The following OR2C1 variants were observed in gnomAD, a reference collection of about 807,000 sequenced individuals.
OR2C1 encodes olfactory receptor family 2 subfamily C member 1.
For synonymous variants in OR2C1, 209 were observed against 167.3 expected, an observed-to-expected ratio of 1.25 and a Z score of -1.92; for missense variants, 468 against 388.3, an observed-to-expected ratio of 1.21 and a Z score of -1.73.
At chr16:3,333,263 T>A in the OR2C1 span, among the ~76,000 whole-genome samples, 3 of 145,166 alleles carry the variant, frequency 2.1e-5, no homozygotes, top group African/African-American at 7.7e-5. Flanking sequence ...TTGAGTTGTT[T>A]GAGTGCCTTA....
the OR2C1 span, among the ~76,000 whole-genome samples, chr16:3,339,809 T>C: frequency 6.6e-6 from 1 of 152,182 alleles, no homozygotes; most frequent in Non-Finnish European, 1.5e-5. Context: ...TCTACACTTA[T>C]TATTTTCCTA....
the OR2C1 span, among the ~76,000 whole-genome samples, chr16:3,349,935 T>C: frequency 6.6e-6 from 1 of 151,880 alleles, no homozygotes; most frequent in Non-Finnish European, 1.5e-5. Context: ...GGCTTCTTCC[T>C]TTAGGCGAAA....
rs530836383 is a variant in OR2C1 at position 3,356,089 on chromosome 16, G to T, written c.149G>T (p.Arg50Leu). ...LGNSTIILLS[R>L]LEARLHTPMY... is the part of the protein sequence containing the mutation. The stretch of plus-strand genomic sequence containing the variant: ...AACTCAACCATCATCTTGCTTTCCC[G>T]CCTGGAGGCCCGGCTCCATACACCC... Residue 50 changes from arginine to leucine, a missense_variant, in exon 1 of 1, where the codon CGC (arginine) becomes CTC (leucine). Physicochemically the swap from Arg to Leu is moderately radical, Grantham distance 102. Transcript: ENST00000304936. 1 of 1,614,046 alleles carries T rather than the reference G, an allele frequency of 6.2e-7. No homozygotes were observed. Among genetic ancestry groups the T allele is most frequent in the African/African-American group, 1.3e-5 (1 of 74,976 alleles).
At chr16:3,342,233 A>C in the OR2C1 span, among the ~76,000 whole-genome samples, 1 of 152,224 alleles carries the variant, frequency 6.6e-6, no homozygotes, top group Non-Finnish European at 1.5e-5. Flanking sequence ...CCTGGGCAAC[A>C]GAGCGAGACC....
At chr16:3,346,666 G>A in the OR2C1 span, among the ~76,000 whole-genome samples, 1 of 122,122 alleles carries the variant, frequency 8.2e-6, no homozygotes, top group Non-Finnish European at 1.6e-5. Flanking sequence ...CTCTCACTCT[G>A]TCATCCAGGC....
At chr16:3,325,479 A>C in the OR2C1 span, among the ~76,000 whole-genome samples, 4,500 of 56,018 alleles carry the variant, frequency 0.08, 303 homozygotes, top group African/African-American at 0.23. Context: ...ATATATATAT[A>C]TATATATATA....
At chr16:3,353,745 G>T (rs922281076), upstream of OR2C1, among the ~76,000 whole-genome samples, 6 of 151,804 alleles carry the variant, frequency 4.0e-5, no homozygotes, top group Admixed American at 6.6e-5. Context: ...AGGTTGCAGT[G>T]AGCTGAGATC....
upstream of OR2C1, among the ~76,000 whole-genome samples, chr16:3,352,979 G>A (rs1441559763): frequency 6.6e-6 from 1 of 151,304 alleles, no homozygotes; most frequent in Non-Finnish European, 1.5e-5. Flanking sequence ...CCGACCTCAA[G>A]TGATCTGCCT....
chr16:3,331,119 G>C, the OR2C1 span, among the ~76,000 whole-genome samples: 3 of 152,158 alleles, frequency 2.0e-5, no homozygotes, highest in Non-Finnish European at 4.4e-5. Flanking sequence ...GTTTTGATTT[G>C]CATTTCTCTG....
the OR2C1 span, among the ~76,000 whole-genome samples, chr16:3,343,749 C>CCATT: frequency 6.6e-6 from 1 of 150,874 alleles, no homozygotes; most frequent in Non-Finnish European, 1.5e-5. Flanking sequence ...AAGACCCTGT[C>CCATT]TCAAAAAATA....
Position 3,356,043 on chromosome 16 carries a change from T to A in OR2C1, c.103T>A (p.Tyr35Asn), listed in dbSNP as rs1302018961. ...CTTTTTTATAGCCATCCTCTTCTCC[T>A]ATTTGCTGACCCTACTTGGGAACTC... Reference protein sequence around the residue: ...MIFFIAILFSYLLTLLGNSTI... With the variant: ...MIFFIAILFSNLLTLLGNSTI... The change falls in exon 1 of 1, where the codon TAT (tyrosine) becomes AAT (asparagine). Residue 35 changes from tyrosine to asparagine, a missense_variant. By Grantham distance (143) the Tyr-to-Asn change is moderately radical. Coordinates refer to ENST00000304936, the MANE Select transcript of OR2C1 (RefSeq NM_012368.3). 6.2e-7 allele frequency: 1 copy of A among 1,614,130 alleles called. No homozygotes were observed. The highest frequency in any genetic ancestry group is 2.2e-5 in the East Asian group (1 of 44,876).
At chr16:3,350,216 C>T in the OR2C1 span, among the ~76,000 whole-genome samples, 2 of 151,240 alleles carry the variant, frequency 1.3e-5, no homozygotes, top group East Asian at 2.0e-4. Context: ...CCACCACGCC[C>T]GGCTAATTTT....
chr16:3,355,496 T>A (rs1047703195), upstream of OR2C1, among the ~76,000 whole-genome samples: 3 of 116,574 alleles, frequency 2.6e-5, no homozygotes, highest in South Asian at 8.7e-4. Context: ...AAAAGTAAGT[T>A]GGAGTCCAGG....
At chr16:3,357,682 C>G (rs1230946), downstream of OR2C1, among the ~76,000 whole-genome samples, 31,606 of 152,198 alleles carry the variant, frequency 0.21, 3,838 homozygotes, top group Non-Finnish European at 0.28. Context: ...CCTGTCTCTT[C>G]TTAATAATGC....
chr16:3,331,069 G>A, the OR2C1 span, among the ~76,000 whole-genome samples: 1 of 152,136 alleles, frequency 6.6e-6, no homozygotes, highest in Non-Finnish European at 1.5e-5. Context: ...ACTTTTTAAT[G>A]ATTGCCATTC....
chr16:3,350,002 T>C, the OR2C1 span, among the ~76,000 whole-genome samples: 1 of 151,456 alleles, frequency 6.6e-6, no homozygotes, highest in Non-Finnish European at 1.5e-5. Flanking sequence ...GTCTGTGACC[T>C]CTGTCAGCAA....
the OR2C1 span, among the ~76,000 whole-genome samples, chr16:3,342,693 C>G: frequency 2.6e-5 from 4 of 152,136 alleles, no homozygotes; most frequent in Non-Finnish European, 5.9e-5. Flanking sequence ...GCCTGGCCAA[C>G]ATGGTGAAAC....
the OR2C1 span, among the ~76,000 whole-genome samples, chr16:3,329,023 C>G: frequency 1.3e-5 from 2 of 151,474 alleles, no homozygotes; most frequent in Non-Finnish European, 2.9e-5. Context: ...GAAGCAGGGT[C>G]TCACTTTGTC....
At chr16:3,325,899 G>T in the OR2C1 span, among the ~76,000 whole-genome samples, 1 of 150,852 alleles carries the variant, frequency 6.6e-6, no homozygotes, top group East Asian at 1.9e-4. Context: ...AAGCATGGAG[G>T]TATTATACTG....
Sources: allele counts gnomAD v4.1 joint callset (sites outside exome capture counted in the v4.1 genomes callset), GRCh38; gene constraint gnomAD v4.1.1; transcripts MANE v1.5; gene names NCBI Gene and HGNC (gene_info 2026-07-23, HGNC 2026-07-21).